Variants in WDFY1 observed in about 807,000 individuals in gnomAD.
WDFY1 encodes WD repeat and FYVE domain containing 1.
A neutral mutation model predicts 56.4 loss-of-function variants in WDFY1; 32 were observed. The observed-to-expected ratio is 0.57, with a 90% confidence interval of 0.43 to 0.76. The LOEUF is 0.76. WDFY1 is among the 30% of genes least tolerant of loss of function. The pLI, the probability that WDFY1 is intolerant of heterozygous loss-of-function variation, is 0.00. For missense variants in WDFY1, 480 were observed against 545.7 expected, an observed-to-expected ratio of 0.88 and a Z score of 1.20; for synonymous variants, 192 against 197.3, an observed-to-expected ratio of 0.97 and a Z score of 0.23.
intron 5 of WDFY1, among the ~76,000 whole-genome samples, chr2:223,900,316 T>C (rs1415298589): frequency 6.6e-6 from 1 of 152,246 alleles, no homozygotes. Context: ...CTAAAGTATA[T>C]GATACTATTT....
At chr2:223,881,312 G>A (rs1225170283) in intron 10 of WDFY1, among the ~76,000 whole-genome samples, 1 of 152,206 alleles carries the variant, frequency 6.6e-6, no homozygotes, top group Non-Finnish European at 1.5e-5. Context: ...ATCCACAGGT[G>A]CATGGACTTA....
intron 2 of WDFY1, 86 bp from the exon 3 acceptor site, chr2:223,912,412 A>T: frequency 9.4e-7 from 1 of 1,061,486 alleles, no homozygotes. Flanking sequence ...TATGATAAGA[A>T]CTATATAATT....
In WDFY1 at chr2:223,898,996, T is replaced by A. The variant is rs1693451605; in HGVS notation, c.560A>T (p.Asn187Ile). 1.9e-6 allele frequency: 3 copies of A among 1,613,976 alleles called. No individual in the cohort carries two copies. The highest frequency in any genetic ancestry group is 2.7e-5 in the African/African-American group (2 of 74,920). ...GQITLLKLEQ[N>I]TCSVITTLKG... is the part of the protein sequence containing the mutation. ...GAGGGTTGTGATGACTGAACACGTG[T>A]TCTGTTCAAGCTTCAGCAGGGTGAT... The change falls in exon 6 of 12, where the codon AAC becomes ATC. Residue 187 changes from asparagine (N) to isoleucine (I), a missense_variant. Coordinates refer to ENST00000233055, the MANE Select transcript of WDFY1 (RefSeq NM_020830.5).
At position 223,875,549 on chromosome 2, in the gene WDFY1, T is replaced by C. The variant is rs1574752911; in HGVS notation, c.*3122A>G. 6.6e-6 allele frequency: 1 copy of C among 152,180 alleles called. No individual in the cohort carries two copies. Among genetic ancestry groups the C allele is most frequent in the East Asian group, 1.9e-4 (1 of 5,198 alleles). The allele number at this position is 152,180 out of a possible 1,614,324, so 9.4% of individuals were successfully genotyped here. On this transcript the variant is annotated 3_prime_UTR_variant, in exon 12 of 12. Coordinates refer to ENST00000233055, the MANE Select transcript of WDFY1 (RefSeq NM_020830.5). The stretch of plus-strand genomic sequence containing the variant: ...TTGCTTCCCCAGTCAAAAAAGGCTA[T>C]AGAGAAAAACACTTTAAATTGTACT...
At chr2:223,912,404 T>G (rs956939200) in intron 2 of WDFY1, 78 bp from the exon 3 acceptor site, 4 of 1,122,426 alleles carry the variant, frequency 3.6e-6, no homozygotes, top group Non-Finnish European at 3.8e-6. Context: ...AAGAACTATA[T>G]GATAAGAACT....
Position 223,878,686 on chromosome 2 carries a change from C to A in WDFY1, c.1218G>T (p.Gly406=), listed in dbSNP as rs1693012281. 6.2e-7 allele frequency: 1 copy of A among 1,614,092 alleles called. No homozygotes were observed. Among genetic ancestry groups the A allele is most frequent in the Admixed American group, 1.7e-5 (1 of 60,014 alleles). Residue 406 remains glycine (G), a synonymous_variant, in exon 12 of 12, where the codon GGG becomes GGT. Coordinates refer to ENST00000233055, the MANE Select transcript of WDFY1 (RefSeq NM_020830.5). ...AGCTCTCAGATCAGTGCGGAGAAAA[C>A]CCAGTCGCCAGACTGCAGCCCACCA... The part of the protein sequence containing the change: ...TPVVGCSLAT[G]FSPH
intron 3 of WDFY1, among the ~76,000 whole-genome samples, chr2:223,911,537 A>G (rs966017776): frequency 1.3e-5 from 2 of 150,446 alleles, no homozygotes; most frequent in Non-Finnish European, 3.0e-5. Flanking sequence ...TATTGCCTTA[A>G]AGAGTTCTGT....
At chr2:223,880,500 G>A (rs1362876136) in intron 10 of WDFY1, among the ~76,000 whole-genome samples, 2 of 151,594 alleles carry the variant, frequency 1.3e-5, no homozygotes, top group African/African-American at 4.8e-5. Context: ...CCAGCTACTC[G>A]GGAGGCTGAG....
At chr2:223,928,158 A>G (rs1229878871) in intron 1 of WDFY1, among the ~76,000 whole-genome samples, 2 of 152,254 alleles carry the variant, frequency 1.3e-5, no homozygotes, top group Non-Finnish European at 2.9e-5. Context: ...TATTGCAAGA[A>G]TTACCAAAAT....
intron 2 of WDFY1, among the ~76,000 whole-genome samples, chr2:223,913,993 CTTTTTT>C (rs386392770): frequency 3.4e-5 from 3 of 88,152 alleles, no homozygotes; most frequent in Admixed American, 1.8e-4. Context: ...AATCAGTTAG[CTTTTTT>C]TTTTTTTTTT....
In WDFY1 at chr2:223,918,001, C is replaced by T. The variant is rs758308605; in HGVS notation, c.147G>A (p.Arg49=). ...VITASEDRTI[R]VWLKRDSGQY... ...GACCACTGTCTCTTTTCAGCCATAC[C>T]CGGATGGTTCTGTGGAGAAAAGAAA... Residue 49 remains arginine (R), a synonymous_variant, in exon 2 of 12, where the codon CGG becomes CGA. Transcript: ENST00000233055. 1 of 1,613,892 alleles carries T rather than the reference C, an allele frequency of 6.2e-7. No individual in the cohort carries two copies. Among genetic ancestry groups the T allele is most frequent in the Non-Finnish European group, 8.5e-7 (1 of 1,179,956 alleles).
intron 1 of WDFY1, among the ~76,000 whole-genome samples, chr2:223,931,797 T>C (rs1384630071): frequency 6.6e-6 from 1 of 152,026 alleles, no homozygotes; most frequent in Non-Finnish European, 1.5e-5. Flanking sequence ...GCAATTCTCT[T>C]GCCTCAGCTT....
At chr2:223,926,150 A>C (rs1433005832) in intron 1 of WDFY1, among the ~76,000 whole-genome samples, 1 of 152,146 alleles carries the variant, frequency 6.6e-6, no homozygotes, top group Non-Finnish European at 1.5e-5. Context: ...TAGCCTTATA[A>C]AAAAATTTTC....
chr2:223,906,740 G>C (rs536156860), intron 3 of WDFY1, among the ~76,000 whole-genome samples: 49 of 151,856 alleles, frequency 3.2e-4, no homozygotes, highest in African/African-American at 1.0e-3. Flanking sequence ...GGATGGTCTC[G>C]AACTCCTGAC....
intron 4 of WDFY1, among the ~76,000 whole-genome samples, chr2:223,902,828 G>C (rs1174666999): frequency 2.0e-5 from 3 of 151,178 alleles, no homozygotes; most frequent in Non-Finnish European, 4.4e-5. Flanking sequence ...ATAAGTGATA[G>C]ATTAATTTGG....
chr2:223,945,046 G>A, intron 1 of WDFY1, 102 bp downstream of exon 1: 2 of 1,356,316 alleles, frequency 1.5e-6, no homozygotes, highest in Non-Finnish European at 1.9e-6. Context: ...CGTGCTGCCG[G>A]GGGAGCCCCC....
chr2:223,912,182 T>A, intron 3 of WDFY1, 71 bp downstream of exon 3: 1 of 1,452,816 alleles, frequency 6.9e-7, no homozygotes, highest in Non-Finnish European at 9.3e-7. Context: ...CTGGCCAATA[T>A]GGGACATGGG....
intron 3 of WDFY1, among the ~76,000 whole-genome samples, chr2:223,910,170 T>A (rs1366223425): frequency 3.3e-5 from 5 of 152,178 alleles, no homozygotes; most frequent in Non-Finnish European, 7.3e-5. Flanking sequence ...AATAGTCTTT[T>A]AAACAATTGG....
chr2:223,895,149 G>T (rs1282377059), intron 7 of WDFY1, among the ~76,000 whole-genome samples: 1 of 152,170 alleles, frequency 6.6e-6, no homozygotes, highest in Admixed American at 6.5e-5. Flanking sequence ...CATGTTACAT[G>T]CAACCTTCCA....
Sources: gnomAD v4.1 joint callset for allele counts (sites outside exome capture counted in the v4.1 genomes callset) on GRCh38, gnomAD v4.1.1 for gene constraint, MANE v1.5 for transcripts, NCBI Gene and HGNC (gene_info 2026-07-23, HGNC 2026-07-21) for gene names.